WWOX: variants seen among roughly 807,000 people sequenced by gnomAD.
The protein encoded by WWOX is WW domain containing oxidoreductase.
WWOX carries 69 observed loss-of-function variants against 46.2 expected under a neutral mutation model. The observed-to-expected ratio is 1.49, with a 90% CI of 1.23 to 1.82. The LOEUF is 1.82. WWOX is among the 40% of genes most tolerant of loss of function. The pLI, the probability that WWOX is intolerant of heterozygous loss-of-function variation, is 0.00. For missense variants in WWOX, 919 were observed against 542.6 expected (o/e 1.69, Z -6.89); for synonymous variants, 359 against 202.6 (o/e 1.77, Z -6.56).
intron 8 of WWOX, among the ~76,000 whole-genome samples, chr16:78,497,695 C>G (rs1597168098): frequency 2.0e-5 from 3 of 152,288 alleles, no homozygotes; most frequent in South Asian, 2.1e-4. Flanking sequence ...GGTCTAATCA[C>G]TCTTCATGAT....
chr16:78,578,239 T>G (rs750465515), intron 8 of WWOX, among the ~76,000 whole-genome samples: 44 of 130,008 alleles, frequency 3.4e-4, no homozygotes, highest in Non-Finnish European at 6.1e-4. Context: ...TACAAATATA[T>G]GTGCATACCA....
chr16:78,313,942 C>T (rs1165903232), intron 5 of WWOX, among the ~76,000 whole-genome samples: 2 of 152,186 alleles, frequency 1.3e-5, no homozygotes. Flanking sequence ...TCCCTTATAT[C>T]CGTGCTGACA....
At chr16:78,363,134 GTGTGTA>G (rs1455729813) in intron 5 of WWOX, among the ~76,000 whole-genome samples, 27 of 152,130 alleles carry the variant, frequency 1.8e-4, no homozygotes, top group African/African-American at 6.5e-4. Flanking sequence ...TGGTCACTGT[GTGTGTA>G]TGTGTTTGTG....
intron 6 of WWOX, among the ~76,000 whole-genome samples, chr16:78,388,971 A>G (rs1247917064): frequency 7.4e-6 from 1 of 135,738 alleles, no homozygotes; most frequent in African/African-American, 2.5e-5. Context: ...CTCTGTCTCA[A>G]AAAAAAAAAA....
intron 8 of WWOX, among the ~76,000 whole-genome samples, chr16:79,175,550 C>G (rs990698133): frequency 6.6e-6 from 1 of 152,144 alleles, no homozygotes; most frequent in Admixed American, 6.5e-5. Flanking sequence ...TTTTGATCTT[C>G]ATTCCTGGGT....
chr16:78,662,389 G>A (rs963384649), intron 8 of WWOX, among the ~76,000 whole-genome samples: 5 of 151,998 alleles, frequency 3.3e-5, no homozygotes, highest in East Asian at 1.9e-4. Flanking sequence ...TTTCTCTTTC[G>A]TTTGTTCTGT....
intron 8 of WWOX, among the ~76,000 whole-genome samples, chr16:78,884,364 G>A (rs141531373): frequency 1.3e-5 from 2 of 151,424 alleles, no homozygotes; most frequent in East Asian, 3.9e-4. Context: ...AAGTACAAGA[G>A]TGTGTTTAGC....
At chr16:78,641,208 T>G (rs1567457204) in intron 8 of WWOX, among the ~76,000 whole-genome samples, 1 of 152,060 alleles carries the variant, frequency 6.6e-6, no homozygotes, top group Non-Finnish European at 1.5e-5. Flanking sequence ...GTGTTTATTT[T>G]TTTTCAGGTC....
chr16:78,986,296 A>G (rs2046783318), intron 8 of WWOX, among the ~76,000 whole-genome samples: 1 of 152,238 alleles, frequency 6.6e-6, no homozygotes, highest in Non-Finnish European at 1.5e-5. Flanking sequence ...AGGTGCTTCC[A>G]GACCTATAGT....
rs536528981 is a variant in WWOX at position 78,978,838 on chromosome 16, G to A, written c.1057-232770G>A. On this transcript the variant is annotated intron_variant, in intron 8 of 8. Coordinates refer to ENST00000566780, the MANE Select transcript of WWOX (RefSeq NM_016373.4). ...TCATGACTCAGTCACCTCCCACCAG[G>A]CCCCACCTCCAACACTGGGGATTAC... Among the ~76,000 whole-genome samples, 7 of 152,072 alleles carry A rather than the reference G, an allele frequency of 4.6e-5. No homozygotes were observed. The South Asian group carries it at 1.5e-3, about 32-fold the overall frequency.
At chr16:78,320,455 C>G (rs1051310249) in intron 5 of WWOX, among the ~76,000 whole-genome samples, 1 of 152,126 alleles carries the variant, frequency 6.6e-6, no homozygotes, top group South Asian at 2.1e-4. Flanking sequence ...TTTTAAGTCC[C>G]TAGCTGTTTC....
Position 78,911,075 on chromosome 16 carries a change from C to G in WWOX, c.1057-300533C>G, listed in dbSNP as rs528273973. On this transcript the variant is annotated intron_variant, in intron 8 of 8. Transcript: ENST00000566780. ...TCGACTTCCATCCCCATGTGTGGCT[C>G]TCCCCAGGGCCTCCCTTCTTGTTCT... 3.3e-5 allele frequency among the ~76,000 whole-genome samples: 5 copies of G among 152,132 alleles called. No individual in the cohort carries two copies. The South Asian group carries it at 1.0e-3, about 32-fold the overall frequency.
intron 5 of WWOX, among the ~76,000 whole-genome samples, chr16:78,338,361 ATTG>A (rs2080940193): frequency 1.6e-5 from 2 of 121,308 alleles, no homozygotes; most frequent in South Asian, 4.9e-4. Context: ...TAGAGACAAA[ATTG>A]TTGTTTTCCC....
rs537815257 is a variant in WWOX, at chr16:78,517,643, G to T, written c.1056+84891G>T. On this transcript the variant is annotated intron_variant, in intron 8 of 8. Transcript: ENST00000566780. ...GCCACATCTGTCAAAAGTCCTCAGC[G>T]CTCCCCGCAATCCATGTCTGGTGGA... Among the ~76,000 whole-genome samples, 5 of 152,116 alleles carry T rather than the reference G, an allele frequency of 3.3e-5. No individual in the cohort carries two copies. The South Asian group carries it at 1.0e-3, about 32-fold the overall frequency.
intron 8 of WWOX, among the ~76,000 whole-genome samples, chr16:79,142,966 A>G (rs2050118282): frequency 1.3e-5 from 2 of 152,118 alleles, no homozygotes; most frequent in Admixed American, 1.3e-4. Flanking sequence ...AGCCTCCCAA[A>G]GAGCAGAGAT....
chr16:78,416,178 T>G (rs562724767), intron 6 of WWOX, among the ~76,000 whole-genome samples: 3 of 152,260 alleles, frequency 2.0e-5, no homozygotes, highest in Non-Finnish European at 2.9e-5. Context: ...TATTTTTGTT[T>G]CCATTCTGTC....
chr16:78,918,422 A>G (rs1004664569), intron 8 of WWOX, among the ~76,000 whole-genome samples: 1 of 151,236 alleles, frequency 6.6e-6, no homozygotes, highest in African/African-American at 2.4e-5. Context: ...GTCGTGTCCT[A>G]TCCCTTTATT....
chr16:78,994,915 G>A (rs1208987063), intron 8 of WWOX, among the ~76,000 whole-genome samples: 4 of 151,398 alleles, frequency 2.6e-5, no homozygotes, highest in Admixed American at 6.6e-5. Flanking sequence ...GACACTGGAA[G>A]GGCAAATGAG....
chr16:78,300,518 C>G (rs758988605), intron 5 of WWOX, among the ~76,000 whole-genome samples: 1 of 151,726 alleles, frequency 6.6e-6, no homozygotes, highest in Non-Finnish European at 1.5e-5. Flanking sequence ...TCCCCTCTCC[C>G]TTCTCCCCTC....
Sources: gnomAD v4.1 joint callset for allele counts (sites outside exome capture counted in the v4.1 genomes callset) on GRCh38, gnomAD v4.1.1 for gene constraint, MANE v1.5 for transcripts, NCBI Gene and HGNC (gene_info 2026-07-23, HGNC 2026-07-21) for gene names.